Variants in FBN2 observed in about 807,000 individuals in gnomAD.
FBN2 encodes the protein fibrillin-2.
In FBN2, 105 loss-of-function variants were observed where a neutral mutation model predicts 355.6. That is an observed-to-expected ratio of 0.30 (90% confidence interval 0.25 to 0.35). FBN2 has a LOEUF of 0.35. FBN2 is among the 10% of genes least tolerant of loss of function. The pLI, the probability that FBN2 is intolerant of heterozygous loss-of-function variation, is 1.00. For synonymous variants in FBN2, 1,350 were observed against 1,301.2 expected, an observed-to-expected ratio of 1.04 and a Z score of -0.81; for missense variants, 3,280 against 3,758.7, an observed-to-expected ratio of 0.87 and a Z score of 3.33.
chr5:128,266,708 T>C (rs1357800451), intron 62 of FBN2, among the ~76,000 whole-genome samples: 1 of 152,152 alleles, frequency 6.6e-6, no homozygotes, highest in African/African-American at 2.4e-5. Flanking sequence ...TTCTGTTTGA[T>C]AGAGAATCAT....
chr5:128,443,894 C>T (rs1302646297), intron 7 of FBN2, among the ~76,000 whole-genome samples: 1 of 151,994 alleles, frequency 6.6e-6, no homozygotes, highest in Non-Finnish European at 1.5e-5. Flanking sequence ...TTAGAGCAAA[C>T]ATTACATTTA....
intron 8 of FBN2, among the ~76,000 whole-genome samples, chr5:128,404,694 G>A (rs535839843): frequency 3.4e-4 from 52 of 152,314 alleles, no homozygotes; most frequent in African/African-American, 1.3e-3. Context: ...GGTCCATGAA[G>A]CTGCATAAGA....
intron 11 of FBN2, among the ~76,000 whole-genome samples, chr5:128,387,264 G>C (rs930891427): frequency 6.6e-6 from 1 of 151,864 alleles, no homozygotes; most frequent in African/African-American, 2.4e-5. Flanking sequence ...TGTGTGCATA[G>C]AGGTGTCTCA....
chr5:128,352,186 T>A (rs144424211), intron 20 of FBN2, among the ~76,000 whole-genome samples: 2 of 151,966 alleles, frequency 1.3e-5, no homozygotes, highest in South Asian at 4.1e-4. Flanking sequence ...TAATATCTGA[T>A]GTATTTTCTT....
chr5:128,272,487 A>ATATAT (rs1561741150), intron 61 of FBN2, among the ~76,000 whole-genome samples: 9 of 85,618 alleles, frequency 1.1e-4, no homozygotes, highest in East Asian at 3.6e-4. Flanking sequence ...TATATATATA[A>ATATAT]AATATATTTG....
intron 5 of FBN2, among the ~76,000 whole-genome samples, chr5:128,472,489 A>C (rs1754888133): frequency 6.6e-6 from 1 of 152,132 alleles, no homozygotes; most frequent in African/African-American, 2.4e-5. Context: ...CAAGCCCCTG[A>C]ACTTAAAAAT....
chr5:128,350,475 C>T (rs372088342), intron 21 of FBN2, among the ~76,000 whole-genome samples: 186 of 152,204 alleles, frequency 1.2e-3, no homozygotes, highest in Middle Eastern at 0.01. Flanking sequence ...CGCTTGAACC[C>T]GGGAGGTGGA....
chr5:128,322,351 T>G (rs1561769665), intron 34 of FBN2, among the ~76,000 whole-genome samples: 1 of 152,234 alleles, frequency 6.6e-6, no homozygotes, highest in East Asian at 1.9e-4. Context: ...AGTCATGAAG[T>G]CTTTGCCCAT....
chr5:128,491,176 T>C (rs934303443), intron 5 of FBN2, among the ~76,000 whole-genome samples: 1 of 152,134 alleles, frequency 6.6e-6, no homozygotes, highest in African/African-American at 2.4e-5. Context: ...CTTTTTCAAG[T>C]TACAATTAAG....
chr5:128,443,175 T>C (rs142451524), intron 7 of FBN2, among the ~76,000 whole-genome samples: 3 of 152,136 alleles, frequency 2.0e-5, no homozygotes, highest in African/African-American at 7.2e-5. Flanking sequence ...ACACAGAAGA[T>C]CTAAACATTT....
At chr5:128,335,695 A>T in intron 28 of FBN2, 118 bp from the exon 29 acceptor site, 1 of 1,207,846 alleles carries the variant, frequency 8.3e-7, no homozygotes. Flanking sequence ...ATGTGTGTTG[A>T]TTGAACATTA....
intron 8 of FBN2, among the ~76,000 whole-genome samples, chr5:128,400,419 A>G (rs1483263861): frequency 1.3e-5 from 2 of 151,988 alleles, no homozygotes; most frequent in Non-Finnish European, 2.9e-5. Flanking sequence ...TGAGAAATCT[A>G]CCTCCACAGT....
At position 128,307,150 on chromosome 5, in the gene FBN2, T is replaced by C. The variant is rs1263038975; in HGVS notation, c.5407A>G (p.Thr1803Ala). The C allele has an allele frequency of 6.2e-7, 1 of 1,609,396 alleles. No individual in the cohort carries two copies. The highest frequency in any genetic ancestry group is 1.1e-5 in the South Asian group (1 of 90,972). Residue 1803 changes from threonine to alanine, a missense_variant, in exon 42 of 65, where the codon ACA (threonine) becomes GCA (alanine). By Grantham distance (58) the Thr-to-Ala change is moderately conservative (BLOSUM62 0). This residue lies in a region of FBN2 where 2,284 missense variants were observed against 2,749.5 expected (regional missense o/e 0.83). Transcript: ENST00000262464. ...NIPGFTFDIH[T>A]GKAVDIDECK... ...AAAAACTCACCAACAGCTTTTCCTG[T>C]GTGAATGTCAAAGGTGAATCCAGGA...
chr5:128,534,119 G>T (rs1005195562), intron 2 of FBN2, among the ~76,000 whole-genome samples: 1 of 152,000 alleles, frequency 6.6e-6, no homozygotes, highest in African/African-American at 2.4e-5. Context: ...GAATGCTGAG[G>T]TACAAATGTA....
intron 7 of FBN2, among the ~76,000 whole-genome samples, chr5:128,411,362 T>A (rs1753056644): frequency 6.6e-6 from 1 of 152,190 alleles, no homozygotes; most frequent in South Asian, 2.1e-4. Context: ...TCAGGTCACG[T>A]GAATGAATTG....
rs192781953 is a variant in FBN2, at chr5:128,519,366, C to G, written c.535G>C (p.Val179Leu). Residue 179 changes from valine (V) to leucine (L), a missense_variant and splice_region_variant, in exon 5 of 65, where the codon GTC (valine) becomes CTC (leucine). Val to Leu is a conservative substitution (Grantham distance 32). This residue lies in a region of FBN2 where 130 missense variants were observed against 189.9 expected (regional missense o/e 0.68). Coordinates refer to ENST00000262464, the MANE Select transcript of FBN2 (RefSeq NM_001999.4). ...GYIGTYCGQP[V>L]CENGCQNGGR... ...CCATTCTGACATCCATTTTCACAGA[C>G]AGCTGCATACAAAAATAGCAAGAAG... 2 of 1,613,344 alleles carry G rather than the reference C, an allele frequency of 1.2e-6. No homozygotes were observed. The highest frequency in any genetic ancestry group is 1.3e-5 in the African/African-American group (1 of 75,004).
chr5:128,268,988 A>T (rs957148804), intron 62 of FBN2, among the ~76,000 whole-genome samples: 2 of 152,130 alleles, frequency 1.3e-5, no homozygotes, highest in East Asian at 3.9e-4. Flanking sequence ...TTCTCTTATC[A>T]CTCCTATTCA....
chr5:128,375,188 A>G (rs1209480955), intron 14 of FBN2, among the ~76,000 whole-genome samples: 1 of 152,210 alleles, frequency 6.6e-6, no homozygotes, highest in Non-Finnish European at 1.5e-5. Flanking sequence ...ATCCACTTGA[A>G]TTTATCAAAC....
At chr5:128,326,055 T>G (rs945306979) in intron 34 of FBN2, among the ~76,000 whole-genome samples, 2 of 152,206 alleles carry the variant, frequency 1.3e-5, no homozygotes, top group African/African-American at 4.8e-5. Context: ...GGTTGGTTCT[T>G]TAGCTGATTT....
Sources: gnomAD v4.1 joint callset for allele counts (sites outside exome capture counted in the v4.1 genomes callset) on GRCh38, gnomAD v4.1.1 for gene constraint, gnomAD v4.1.1 regional missense constraint, MANE v1.5 for transcripts, NCBI Gene and HGNC (gene_info 2026-07-23, HGNC 2026-07-21) for gene names.